LRP1B: variants seen among roughly 807,000 people sequenced by gnomAD.
LRP1B encodes the protein low-density lipoprotein receptor-related protein 1B.
A neutral mutation model predicts 556.6 loss-of-function variants in LRP1B; 217 were observed. The ratio of observed to expected loss-of-function variants is 0.39; its 90% CI spans 0.35 to 0.44. The LOEUF is 0.44. LRP1B is among the 20% of genes least tolerant of loss of function. The pLI, the probability that LRP1B is intolerant of heterozygous loss-of-function variation, is 1.00. For missense variants in LRP1B, 5,053 were observed against 5,620.8 expected, an observed-to-expected ratio of 0.90 and a Z score of 3.23; for synonymous variants, 2,047 against 1,865.8, an observed-to-expected ratio of 1.10 and a Z score of -2.50.
chr2:140,630,617 T>C (rs541640037), intron 41 of LRP1B, among the ~76,000 whole-genome samples: 40 of 152,216 alleles, frequency 2.6e-4, no homozygotes, highest in Non-Finnish European at 5.1e-4. Flanking sequence ...CTGCACATTT[T>C]TGTGTGCTTT....
chr2:141,614,641 C>T (rs760053328), intron 2 of LRP1B, among the ~76,000 whole-genome samples: 14 of 151,918 alleles, frequency 9.2e-5, no homozygotes, highest in South Asian at 2.1e-4. Flanking sequence ...ATGTGTAGAC[C>T]GGGACAGAAA....
chr2:141,069,405 T>C (rs1699572524), intron 7 of LRP1B, among the ~76,000 whole-genome samples: 1 of 152,110 alleles, frequency 6.6e-6, no homozygotes, highest in Non-Finnish European at 1.5e-5. Flanking sequence ...CACAGATATT[T>C]CATCAATGTC....
At chr2:140,982,894 T>A (rs1696813817) in intron 17 of LRP1B, among the ~76,000 whole-genome samples, 1 of 152,072 alleles carries the variant, frequency 6.6e-6, no homozygotes, top group African/African-American at 2.4e-5. Context: ...GCACAATTAT[T>A]TTAAAAAGTA....
At chr2:140,400,188 T>C (rs1573892825) in intron 66 of LRP1B, among the ~76,000 whole-genome samples, 1 of 152,242 alleles carries the variant, frequency 6.6e-6, no homozygotes, top group East Asian at 1.9e-4. Context: ...GCAAATGGCT[T>C]TTAACAACAA....
intron 34 of LRP1B, among the ~76,000 whole-genome samples, chr2:140,770,333 A>T (rs1371685290): frequency 2.0e-5 from 3 of 151,986 alleles, no homozygotes; most frequent in Non-Finnish European, 2.9e-5. Context: ...TAACGATAAA[A>T]ATTAACCTAT....
At chr2:142,027,392 T>C (rs1703544321) in intron 1 of LRP1B, among the ~76,000 whole-genome samples, 1 of 151,438 alleles carries the variant, frequency 6.6e-6, no homozygotes, top group Admixed American at 6.6e-5. Flanking sequence ...ATCTTTCCAC[T>C]ATATATTCAA....
rs1680931354 is a variant in LRP1B, at chr2:141,440,694, A to T, written c.343+39702T>A. On this transcript the variant is annotated intron_variant, in intron 3 of 90. Coordinates refer to ENST00000389484, the MANE Select transcript of LRP1B (RefSeq NM_018557.3). The stretch of plus-strand genomic sequence containing the variant: ...TGGAACTAAATCTCCAACTGGGTTA[A>T]CTGGAGCATTGTGCTTTCCCATTTT... 2.6e-5 allele frequency among the ~76,000 whole-genome samples: 4 copies of T among 152,234 alleles called. No homozygotes were observed. The South Asian group carries it at 8.3e-4, about 31-fold the overall frequency.
chr2:140,615,608 TG>T (rs1308040212), intron 41 of LRP1B, among the ~76,000 whole-genome samples: 1 of 152,048 alleles, frequency 6.6e-6, no homozygotes, highest in East Asian at 1.9e-4. Flanking sequence ...AATTTGTGGT[TG>T]GGGGAGAGAG....
In LRP1B at chr2:140,716,754, G is replaced by C. The variant is rs1687225489; in HGVS notation, c.5821C>G (p.Gln1941Glu). 6.2e-7 allele frequency: 1 copy of C among 1,610,034 alleles called. No individual in the cohort carries two copies. The highest frequency in any genetic ancestry group is 8.5e-7 in the Non-Finnish European group (1 of 1,176,842). ...GTAATGATATCTTCTTTCCAAGTCT[G>C]ATCTCTTTTAGCTCTGCTAATTTTA... is the stretch of plus-strand genomic sequence containing the variant. ...FNKISRAKRDQTWKEDIITNG... is the reference protein window; with the variant it reads ...FNKISRAKRDETWKEDIITNG... The change falls in exon 36 of 91, where the codon CAG becomes GAG. Residue 1941 changes from glutamine (Q) to glutamate (E), a missense_variant. Coordinates refer to ENST00000389484, the MANE Select transcript of LRP1B (RefSeq NM_018557.3).
At chr2:141,360,156 G>A (rs780706533) in intron 3 of LRP1B, among the ~76,000 whole-genome samples, 12 of 152,284 alleles carry the variant, frequency 7.9e-5, no homozygotes, top group Non-Finnish European at 1.5e-4. Context: ...ATTTTAAGCA[G>A]CCGTAATAGG....
intron 1 of LRP1B, among the ~76,000 whole-genome samples, chr2:141,900,435 T>A (rs962553223): frequency 1.3e-5 from 2 of 152,098 alleles, no homozygotes; most frequent in African/African-American, 4.8e-5. Context: ...GAATTAATAT[T>A]TTTTGAAATA....
At chr2:141,622,786 A>G (rs1020071157) in intron 2 of LRP1B, among the ~76,000 whole-genome samples, 5 of 152,170 alleles carry the variant, frequency 3.3e-5, no homozygotes, top group African/African-American at 1.2e-4. Context: ...TTCTCTAGGT[A>G]GCTGTCCTGC....
chr2:142,027,283 A>C (rs967054801), intron 1 of LRP1B, among the ~76,000 whole-genome samples: 3 of 151,378 alleles, frequency 2.0e-5, no homozygotes, highest in Non-Finnish European at 4.4e-5. Context: ...TAAATAAAGA[A>C]ATTCTGATTT....
At chr2:141,066,027 T>C (rs80175701) in intron 7 of LRP1B, among the ~76,000 whole-genome samples, 2,458 of 152,100 alleles carry the variant, frequency 0.016, 65 homozygotes, top group African/African-American at 0.056. Flanking sequence ...AAAAGGGGCA[T>C]TGCTGTTCTC....
chr2:141,848,999 A>C (rs1697751470), intron 1 of LRP1B, among the ~76,000 whole-genome samples: 1 of 151,616 alleles, frequency 6.6e-6, no homozygotes, highest in Admixed American at 6.6e-5. Context: ...ATCCTACAAA[A>C]GGATAATTAA....
intron 2 of LRP1B, among the ~76,000 whole-genome samples, chr2:141,496,033 A>T (rs1462249524): frequency 6.6e-6 from 1 of 152,080 alleles, no homozygotes; most frequent in Non-Finnish European, 1.5e-5. Context: ...TTTTATTACA[A>T]CTAAGATACA....
intron 21 of LRP1B, among the ~76,000 whole-genome samples, chr2:140,920,595 C>T (rs1694710273): frequency 6.6e-6 from 1 of 151,798 alleles, no homozygotes; most frequent in Non-Finnish European, 1.5e-5. Flanking sequence ...TAAATCATTG[C>T]TTATATTTGT....
chr2:140,451,065 C>T (rs1284357721), intron 62 of LRP1B, among the ~76,000 whole-genome samples: 1 of 152,160 alleles, frequency 6.6e-6, no homozygotes, highest in Non-Finnish European at 1.5e-5. Context: ...CCTCAGCCTC[C>T]AGAGTAGCTG....
intron 1 of LRP1B, among the ~76,000 whole-genome samples, chr2:141,813,776 T>A (rs1696436427): frequency 6.6e-6 from 1 of 152,058 alleles, no homozygotes; most frequent in South Asian, 2.1e-4. Context: ...TTCAGAGAGT[T>A]CTGGATTCTT....
Sources: allele counts gnomAD v4.1 joint callset (sites outside exome capture counted in the v4.1 genomes callset), GRCh38; gene constraint gnomAD v4.1.1; transcripts MANE v1.5; gene names NCBI Gene and HGNC (gene_info 2026-07-23, HGNC 2026-07-21).